The following OMA1 variants were observed in gnomAD, a reference collection of about 807,000 sequenced individuals.
The protein encoded by OMA1 is OMA1 zinc metallopeptidase, also known as metalloendopeptidase OMA1, mitochondrial.
In OMA1, 38 loss-of-function variants were observed where a neutral mutation model predicts 30.9. The ratio of observed to expected loss-of-function variants is 1.23; its 90% CI spans 0.95 to 1.61. The LOEUF is 1.61. Among genes scored for constraint, OMA1 ranks in the 40% most tolerant of loss-of-function variants. The pLI, the probability that OMA1 is intolerant of heterozygous loss-of-function variation, is 0.00. For synonymous variants in OMA1, 173 were observed against 121.9 expected (o/e 1.42, Z -2.76); for missense variants, 461 against 349.2 (o/e 1.32, Z -2.55).
At chr1:58,486,769 TTGCCTAAAGAAC>T (rs1384966933) in intron 8 of OMA1, among the ~76,000 whole-genome samples, 1 of 152,140 alleles carries the variant, frequency 6.6e-6, no homozygotes, top group Non-Finnish European at 1.5e-5. Context: ...ACAGTGACAT[TTGCCTAAAGAAC>T]TGAGGGAAGA....
At chr1:58,497,956 T>C (rs1645832649) in intron 8 of OMA1, among the ~76,000 whole-genome samples, 1 of 152,196 alleles carries the variant, frequency 6.6e-6, no homozygotes, top group African/African-American at 2.4e-5. Context: ...AAAGCTTCCA[T>C]TTCCCTCTTG....
At chr1:58,489,587 G>T (rs570050573) in intron 8 of OMA1, among the ~76,000 whole-genome samples, 1 of 152,348 alleles carries the variant, frequency 6.6e-6, no homozygotes, top group Admixed American at 6.5e-5. Context: ...CAGCTTAGAA[G>T]AGAGTAGTGG....
At chr1:58,488,888 T>C (rs148626349) in intron 8 of OMA1, among the ~76,000 whole-genome samples, 44 of 152,388 alleles carry the variant, frequency 2.9e-4, no homozygotes, top group African/African-American at 9.6e-4. Context: ...TTTTATATTA[T>C]GTACAGATAT....
At chr1:58,499,936 A>G (rs920870569) in intron 8 of OMA1, among the ~76,000 whole-genome samples, 7 of 152,178 alleles carry the variant, frequency 4.6e-5, no homozygotes, top group African/African-American at 1.7e-4. Context: ...CTACTTATTC[A>G]CAAAAAGTAA....
intron 7 of OMA1, among the ~76,000 whole-genome samples, chr1:58,526,946 A>C (rs568119763): frequency 2.8e-4 from 43 of 152,256 alleles, no homozygotes; most frequent in African/African-American, 9.6e-4. Context: ...CTATGATCAA[A>C]AAATTTATAC....
At chr1:58,520,029 A>T (rs1646237431) in intron 7 of OMA1, among the ~76,000 whole-genome samples, 1 of 152,174 alleles carries the variant, frequency 6.6e-6, no homozygotes. Context: ...CTCACTCATA[A>T]GGGGGAGCTA....
intron 1 of OMA1, among the ~76,000 whole-genome samples, chr1:58,545,920 ACCCC>A (rs1646695481): frequency 6.6e-6 from 1 of 152,120 alleles, no homozygotes; most frequent in South Asian, 2.1e-4. Context: ...GTCAGACTAC[ACCCC>A]TTCACCCCGG....
intron 7 of OMA1, among the ~76,000 whole-genome samples, chr1:58,512,356 A>T (rs970720103): frequency 1.3e-5 from 2 of 152,162 alleles, no homozygotes; most frequent in Admixed American, 6.6e-5. Flanking sequence ...TACTCAAAAA[A>T]TTTTTAAAAA....
intron 1 of OMA1, among the ~76,000 whole-genome samples, chr1:58,541,952 G>A (rs75978172): frequency 0.018 from 2,812 of 152,052 alleles, 57 homozygotes; most frequent in East Asian, 0.12. Context: ...ATAAAAGTTG[G>A]GGAAAAAAAT....
At position 58,481,024 on chromosome 1, in the gene OMA1, T is replaced by C; in HGVS notation, c.1516A>G (p.Ile506Val). 1.1e-6 allele frequency: 1 copy of C among 871,900 alleles called. No homozygotes were observed. Among genetic ancestry groups the C allele is most frequent in the South Asian group, 1.3e-5 (1 of 76,504 alleles). 54.0% of individuals were successfully genotyped at this position (871,900 alleles called of 1,614,324 possible). The stretch of plus-strand genomic sequence containing the variant: ...AATGGTATTTGCTCCTGTTTTTGAA[T>C]AGGAAGAGTATCCATTTTCTGTTTC... Reference protein sequence around the residue: ...TKKQKMDTLPIQKQEQIPLTY... With the variant: ...TKKQKMDTLPVQKQEQIPLTY... The change falls in exon 9 of 9, where the codon ATT becomes GTT. Residue 506 changes from isoleucine to valine, a missense_variant. Ile to Val is a conservative substitution (Grantham distance 29). Coordinates refer to ENST00000371226, the MANE Select transcript of OMA1 (RefSeq NM_145243.5).
intron 1 of OMA1, among the ~76,000 whole-genome samples, chr1:58,542,992 A>T (rs1403718801): frequency 6.6e-6 from 1 of 151,366 alleles, no homozygotes; most frequent in East Asian, 1.9e-4. Flanking sequence ...AGCTTTTTTA[A>T]AAAAAAAAAA....
intron 8 of OMA1, among the ~76,000 whole-genome samples, chr1:58,504,040 G>A (rs770643052): frequency 6.6e-6 from 1 of 152,102 alleles, no homozygotes; most frequent in Non-Finnish European, 1.5e-5. Context: ...AGGATTATGA[G>A]AGTCTCCTAA....
intron 8 of OMA1, among the ~76,000 whole-genome samples, chr1:58,502,662 C>A (rs1645924960): frequency 6.6e-6 from 1 of 152,118 alleles, no homozygotes; most frequent in South Asian, 2.1e-4. Flanking sequence ...CTATATACTG[C>A]CTGAGAAACT....
At position 58,505,631 on chromosome 1, in the gene OMA1, T is replaced by A. The variant is rs143352170; in HGVS notation, c.1365+429A>T. On this transcript the variant is annotated intron_variant, in intron 8 of 8. Coordinates refer to ENST00000371226, the MANE Select transcript of OMA1 (RefSeq NM_145243.5). ...GATTTTTTTTCCTAAAAAAACAAAT[T>A]CCAGTACCACTACTACAATTAATAT... 1.6e-3 allele frequency among the ~76,000 whole-genome samples: 245 copies of A among 152,202 alleles called. 2 individuals are homozygous for A. Among genetic ancestry groups the A allele is most frequent in the African/African-American group, 5.6e-3 (234 of 41,524 alleles).
At chr1:58,525,905 A>G (rs550786492) in intron 7 of OMA1, among the ~76,000 whole-genome samples, 1 of 152,150 alleles carries the variant, frequency 6.6e-6, no homozygotes, top group East Asian at 1.9e-4. Context: ...GACCCCAGAT[A>G]TACTCCCACC....
chr1:58,496,407 T>A (rs566884290), intron 8 of OMA1, among the ~76,000 whole-genome samples: 1 of 152,236 alleles, frequency 6.6e-6, no homozygotes, highest in Non-Finnish European at 1.5e-5. Context: ...AACCTTATCA[T>A]GCCAGCTTCA....
At chr1:58,514,873 C>T (rs1646135911) in intron 7 of OMA1, among the ~76,000 whole-genome samples, 1 of 152,152 alleles carries the variant, frequency 6.6e-6, no homozygotes, top group Non-Finnish European at 1.5e-5. Flanking sequence ...AGAGGGAAAC[C>T]TTACTGTCTA....
In OMA1 at chr1:58,546,695, G is replaced by A. The variant is rs1267202955; in HGVS notation, c.-17+8C>T. The A allele has an allele frequency of 6.6e-6, 1 of 152,296 alleles. No homozygotes were observed. The highest frequency in any genetic ancestry group is 1.5e-5 in the Non-Finnish European group (1 of 68,188). 9.4% of individuals were successfully genotyped at this position (152,296 alleles called of 1,614,324 possible). On this transcript the variant is annotated splice_region_variant and intron_variant, in intron 1 of 8. Coordinates refer to ENST00000371226, the MANE Select transcript of OMA1 (RefSeq NM_145243.5). Reference sequence around the variant, plus strand: ...AAGCTGGGGAAAAGCGTCACCGTGAGGACTGACTCAAGCAGAAGCGAAAGC... The same window carrying A: ...AAGCTGGGGAAAAGCGTCACCGTGAAGACTGACTCAAGCAGAAGCGAAAGC...
At chr1:58,543,654 T>C (rs1646656454) in intron 1 of OMA1, among the ~76,000 whole-genome samples, 1 of 152,186 alleles carries the variant, frequency 6.6e-6, no homozygotes, top group Non-Finnish European at 1.5e-5. Flanking sequence ...CCTACCCTGG[T>C]AAATACCAGG....
Sources: allele counts gnomAD v4.1 joint callset (sites outside exome capture counted in the v4.1 genomes callset), GRCh38; gene constraint gnomAD v4.1.1; transcripts MANE v1.5; gene names NCBI Gene and HGNC (gene_info 2026-07-23, HGNC 2026-07-21).